Variants in LMBRD1 observed in about 807,000 individuals in gnomAD.
LMBRD1 encodes LMBR1 domain containing 1.
Under a neutral mutation model 74.8 loss-of-function variants are expected in LMBRD1, and 64 were observed. The ratio of observed to expected loss-of-function variants is 0.86; its 90% CI spans 0.70 to 1.05. The LOEUF is 1.05. LMBRD1 is among the 50% of genes least tolerant of loss of function. The pLI is 0.00. For missense variants in LMBRD1, 652 were observed against 645.9 expected (o/e 1.01, Z -0.10); for synonymous variants, 204 against 216.3 (o/e 0.94, Z 0.50).
intron 3 of LMBRD1, among the ~76,000 whole-genome samples, chr6:69,761,071 C>A (rs1036344080): frequency 6.6e-6 from 1 of 152,200 alleles, no homozygotes; most frequent in African/African-American, 2.4e-5. Context: ...CTGTTTTAAA[C>A]TGCTAAATGT....
At chr6:69,681,125 T>C (rs143212895) in intron 14 of LMBRD1, among the ~76,000 whole-genome samples, 58 of 152,090 alleles carry the variant, frequency 3.8e-4, no homozygotes, top group Middle Eastern at 3.4e-3. Flanking sequence ...AAAGATTAGA[T>C]GTTAACAATG....
At chr6:69,786,247 A>G (rs1765942198) in intron 2 of LMBRD1, among the ~76,000 whole-genome samples, 1 of 152,218 alleles carries the variant, frequency 6.6e-6, no homozygotes, top group African/African-American at 2.4e-5. Context: ...TTCAATAAAG[A>G]GCACAAAGTT....
In LMBRD1 at chr6:69,699,097, A is replaced by T. The variant is rs902237667; in HGVS notation, c.1284T>A (p.Ile428=). ...LLIVLHTSYM[I]YSLAPQYVMY... is the part of the protein sequence containing the mutation. ...TAACATATTGGGGAGCAAGACTATA[A>T]ATCATGTAGCTAGTGTGAAGGACAA... Residue 428 remains isoleucine, a synonymous_variant, in exon 13 of 16, where the codon ATT becomes ATA. Coordinates refer to ENST00000649934, the MANE Select transcript of LMBRD1 (RefSeq NM_018368.4). 6.2e-7 allele frequency: 1 copy of T among 1,609,716 alleles called. No homozygotes were observed. Among genetic ancestry groups the T allele is most frequent in the Admixed American group, 1.7e-5 (1 of 59,912 alleles).
intron 3 of LMBRD1, among the ~76,000 whole-genome samples, chr6:69,773,860 T>C (rs1195925773): frequency 1.3e-5 from 2 of 152,210 alleles, no homozygotes; most frequent in Non-Finnish European, 2.9e-5. Flanking sequence ...GTTAATATAG[T>C]AATAAGAATC....
Position 69,713,758 on chromosome 6 carries a change from C to T in LMBRD1, c.802G>A (p.Ala268Thr), listed in dbSNP as rs143758103. The change falls in exon 9 of 16, where the codon GCC (alanine) becomes ACC (threonine). Residue 268 changes from alanine to threonine, a missense_variant. Ala to Thr is a moderately conservative substitution (Grantham distance 58). Transcript: ENST00000649934. ...GRPLPARDKR[A>T]LKQFEERLRT... ...AACCTTTCTTCAAATTGTTTTAAGGCGCGTTTATCCCTTGCTGGCAAAGGT... is the reference window on the plus strand; with the variant it reads ...AACCTTTCTTCAAATTGTTTTAAGGTGCGTTTATCCCTTGCTGGCAAAGGT... 2.6e-5 allele frequency: 42 copies of T among 1,613,632 alleles called. No homozygotes were observed. Among genetic ancestry groups the T allele is most frequent in the African/African-American group, 1.1e-4 (8 of 75,014 alleles).
chr6:69,708,316 C>T (rs1336810448), intron 9 of LMBRD1, among the ~76,000 whole-genome samples: 1 of 152,138 alleles, frequency 6.6e-6, no homozygotes, highest in Admixed American at 6.5e-5. Flanking sequence ...CCCTTCATTT[C>T]CATGGTAGGA....
At chr6:69,795,683 G>C (rs1016681567) in intron 1 of LMBRD1, among the ~76,000 whole-genome samples, 1 of 152,206 alleles carries the variant, frequency 6.6e-6, no homozygotes, top group Admixed American at 6.5e-5. Context: ...TTTCCTCCAA[G>C]AGAGGACTAA....
chr6:69,737,076 C>T lies in LMBRD1; in HGVS notation c.636+866G>A, dbSNP rs118077655. ...GCACGTGAATGATCATGTGACAAAA[C>T]TAAATTCTGCTCTTACGATAATAGC... On this transcript the variant is annotated intron_variant, in intron 7 of 15. Coordinates refer to ENST00000649934, the MANE Select transcript of LMBRD1 (RefSeq NM_018368.4). 5.3e-5 allele frequency among the ~76,000 whole-genome samples: 8 copies of T among 152,232 alleles called. No individual in the cohort carries two copies. The East Asian group carries it at 1.5e-3, about 29-fold the overall frequency.
chr6:69,679,908 G>A lies in LMBRD1; in HGVS notation c.1418-3367C>T, dbSNP rs573317931. Reference sequence around the variant, plus strand: ...ATTTTCTTCCTTTTTCCTCTGCAAGGTATAGAGAACAATTGTGAAGAGCTA... The same window carrying A: ...ATTTTCTTCCTTTTTCCTCTGCAAGATATAGAGAACAATTGTGAAGAGCTA... On this transcript the variant is annotated intron_variant, in intron 14 of 15. Transcript: ENST00000649934. Among the ~76,000 whole-genome samples, 3 of 152,218 alleles carry A rather than the reference G, an allele frequency of 2.0e-5. No homozygotes were observed. The East Asian group carries it at 5.8e-4, about 29-fold the overall frequency.
chr6:69,700,622 T>C lies in LMBRD1; in HGVS notation c.1188+143A>G, dbSNP rs1406330438. On this transcript the variant is annotated intron_variant, in intron 12 of 15. Transcript: ENST00000649934. The stretch of plus-strand genomic sequence containing the variant: ...GCTCTAGATAAAAAGTACTTTTATG[T>C]CAACATGAAGTGAAAAGGCTAGTAT... The C allele has an allele frequency of 9.2e-6, 5 of 545,732 alleles. No homozygotes were observed. In the African/African-American group the frequency reaches 9.9e-5, roughly 11 times the overall value. The allele number at this position is 545,732 out of a possible 1,614,324, so 33.8% of individuals were successfully genotyped here. A position where few individuals can be genotyped will look rare whatever the true frequency, so the allele number is the denominator to read the frequency against.
chr6:69,690,223 C>T (rs1765848433), intron 14 of LMBRD1, among the ~76,000 whole-genome samples: 1 of 152,062 alleles, frequency 6.6e-6, no homozygotes, highest in South Asian at 2.1e-4. Flanking sequence ...CATCCAGTCT[C>T]ACAACTTTAC....
chr6:69,770,152 G>A (rs1051431838), intron 3 of LMBRD1, among the ~76,000 whole-genome samples: 15 of 152,038 alleles, frequency 9.9e-5, no homozygotes, highest in African/African-American at 3.4e-4. Flanking sequence ...GGTCCTCTCC[G>A]CTCACCTGAC....
At chr6:69,745,762 A>G (rs1316668392) in intron 5 of LMBRD1, 2 of 152,420 alleles carry the variant, frequency 1.3e-5, no homozygotes, top group African/African-American at 4.8e-5. Context: ...AATATATTTT[A>G]TAGACTGAAT....
intron 2 of LMBRD1, among the ~76,000 whole-genome samples, chr6:69,782,153 T>C (rs1433888472): frequency 6.6e-6 from 1 of 152,194 alleles, no homozygotes; most frequent in Non-Finnish European, 1.5e-5. Context: ...CCTAAAAATA[T>C]TCACACAAAT....
At chr6:69,704,082 T>C (rs1452292118) in intron 9 of LMBRD1, among the ~76,000 whole-genome samples, 2 of 152,062 alleles carry the variant, frequency 1.3e-5, no homozygotes. Flanking sequence ...CACAGTCATG[T>C]CTATTTGCCC....
At chr6:69,685,563 G>A (rs1254510987) in intron 14 of LMBRD1, among the ~76,000 whole-genome samples, 2 of 152,294 alleles carry the variant, frequency 1.3e-5, no homozygotes, top group African/African-American at 4.8e-5. Context: ...CACTTTGGGA[G>A]GCTGAGGCGG....
At chr6:69,774,929 T>C (rs1006666077) in intron 3 of LMBRD1, among the ~76,000 whole-genome samples, 3 of 130,150 alleles carry the variant, frequency 2.3e-5, no homozygotes, top group Non-Finnish European at 3.1e-5. Context: ...ACCGCACTCC[T>C]GCCCAAAATA....
intron 9 of LMBRD1, chr6:69,705,338 C>G (rs1766229314): frequency 2.6e-6 from 2 of 772,416 alleles, no homozygotes; most frequent in Non-Finnish European, 4.7e-6. Flanking sequence ...CCTGGTCAGT[C>G]ATCCGGAAGC....
chr6:69,758,571 G>C (rs1019399513), intron 3 of LMBRD1, among the ~76,000 whole-genome samples: 2 of 152,118 alleles, frequency 1.3e-5, no homozygotes, highest in Non-Finnish European at 2.9e-5. Context: ...ATGGAGAGTA[G>C]AGAAGGAATG....
Sources: allele counts gnomAD v4.1 joint callset (sites outside exome capture counted in the v4.1 genomes callset), GRCh38; gene constraint gnomAD v4.1.1; transcripts MANE v1.5; gene names NCBI Gene and HGNC (gene_info 2026-07-23, HGNC 2026-07-21).